The following RIMS2 variants were observed in gnomAD, a reference collection of about 807,000 sequenced individuals.
RIMS2 encodes the protein regulating synaptic membrane exocytosis protein 2.
Under a neutral mutation model 174.4 loss-of-function variants are expected in RIMS2, and 59 were observed. The observed-to-expected ratio is 0.34, with a 90% CI of 0.27 to 0.42. The LOEUF (loss-of-function observed/expected upper bound fraction) is 0.42, where lower values mean the gene tolerates loss of function less well. Ranked by LOEUF, RIMS2 falls within the 10% of genes least tolerant of loss-of-function variation. RIMS2 has a pLI of 1.00. For missense variants in RIMS2, 1,620 were observed against 1,666.3 expected (o/e 0.97, Z 0.48); for synonymous variants, 606 against 572.5 (o/e 1.06, Z -0.84).
At chr8:103,968,876 A>G (rs550884995) in intron 15 of RIMS2, among the ~76,000 whole-genome samples, 3 of 152,044 alleles carry the variant, frequency 2.0e-5, no homozygotes. Flanking sequence ...AATTACTTTA[A>G]TATTTCTTGT....
intron 3 of RIMS2, among the ~76,000 whole-genome samples, chr8:103,816,996 A>T (rs2098721924): frequency 6.6e-6 from 1 of 152,222 alleles, no homozygotes; most frequent in Admixed American, 6.5e-5. Flanking sequence ...ATAAAAATTA[A>T]ATCTATTTAA....
At chr8:103,851,458 TG>T (rs766342290) in intron 3 of RIMS2, among the ~76,000 whole-genome samples, 8 of 151,826 alleles carry the variant, frequency 5.3e-5, no homozygotes, top group Admixed American at 1.3e-4. Context: ...ATAATATAAA[TG>T]AAAAAAATTA....
intron 1 of RIMS2, among the ~76,000 whole-genome samples, chr8:103,650,311 T>C (rs2096427206): frequency 6.6e-6 from 1 of 152,152 alleles, no homozygotes; most frequent in South Asian, 2.1e-4. Context: ...AAGCTTTTTT[T>C]CAGTGGGGCA....
At position 103,671,897 on chromosome 8, in the gene RIMS2, A is replaced by G. The variant is rs1463766473; in HGVS notation, c.177-25189A>G. On this transcript the variant is annotated intron_variant, in intron 1 of 23. Transcript: ENST00000504942. ...TTGACAATGCTTCCCATATGCTTTAACATACCAAATAAGCCTGTTCATCTC... is the reference window on the plus strand; with the variant it reads ...TTGACAATGCTTCCCATATGCTTTAGCATACCAAATAAGCCTGTTCATCTC... Among the ~76,000 whole-genome samples, 68 of 152,224 alleles carry G rather than the reference A, an allele frequency of 4.5e-4. 3 individuals are homozygous for G. Among genetic ancestry groups the G allele is most frequent in the Admixed American group, 4.5e-3 (68 of 15,280 alleles).
Position 103,960,017 on chromosome 8 carries a change from A to G in RIMS2, c.2702-1048A>G, listed in dbSNP as rs565652503. On this transcript the variant is annotated intron_variant, in intron 14 of 23. Transcript: ENST00000504942. ...ATAGCTAAGATCAGAGCAGAACTGA[A>G]GGAGATAGAGACACAAAAAACCCGT... is the stretch of plus-strand genomic sequence containing the variant. Among the ~76,000 whole-genome samples, 7 of 151,412 alleles carry G rather than the reference A, an allele frequency of 4.6e-5. No individual in the cohort carries two copies. In the South Asian group the frequency reaches 1.5e-3, roughly 31 times the overall value.
chr8:104,045,427 C>T (rs2096676041), intron 19 of RIMS2, among the ~76,000 whole-genome samples: 1 of 151,778 alleles, frequency 6.6e-6, no homozygotes, highest in Admixed American at 6.6e-5. Flanking sequence ...TATGAAATTT[C>T]ATATGACAAT....
intron 1 of RIMS2, among the ~76,000 whole-genome samples, chr8:103,597,302 C>T (rs1170092552): frequency 6.6e-6 from 1 of 152,110 alleles, no homozygotes; most frequent in Non-Finnish European, 1.5e-5. Flanking sequence ...AGTTTCAGGC[C>T]TTTCTGCTCT....
At chr8:103,559,917 G>A (rs947125013) in intron 1 of RIMS2, among the ~76,000 whole-genome samples, 2 of 152,122 alleles carry the variant, frequency 1.3e-5, no homozygotes, top group Non-Finnish European at 2.9e-5. Context: ...AATAAAGAAG[G>A]CCAGATTATA....
At chr8:103,731,292 T>A (rs927484077) in intron 2 of RIMS2, among the ~76,000 whole-genome samples, 1 of 152,210 alleles carries the variant, frequency 6.6e-6, no homozygotes, top group African/African-American at 2.4e-5. Context: ...TTTCCTAGTC[T>A]ATAAGGTTTC....
At chr8:104,038,648 T>C (rs1281051258) in intron 19 of RIMS2, among the ~76,000 whole-genome samples, 2 of 151,942 alleles carry the variant, frequency 1.3e-5, no homozygotes, top group Admixed American at 6.6e-5. Context: ...TTCATTATAA[T>C]ACTATATGCA....
chr8:103,863,282 T>C (rs919770668), intron 3 of RIMS2, among the ~76,000 whole-genome samples: 1 of 152,202 alleles, frequency 6.6e-6, no homozygotes, highest in Non-Finnish European at 1.5e-5. Context: ...GAGTTGCTTA[T>C]ATTGAACCAT....
At position 103,616,482 on chromosome 8, in the gene RIMS2, C is replaced by T. The variant is rs149502641; in HGVS notation, c.177-80604C>T. ...CACAAGGCAAGAATGCCCTCTCTCA[C>T]CACTTCTATTCAACATAGTTTTGGA... On this transcript the variant is annotated intron_variant, in intron 1 of 23. Transcript: ENST00000504942. Among the ~76,000 whole-genome samples, 975 of 152,256 alleles carry T rather than the reference C, an allele frequency of 6.4e-3. 11 individuals are homozygous for T. Among genetic ancestry groups the T allele is most frequent in the African/African-American group, 0.022 (906 of 41,546 alleles).
chr8:104,036,145 A>G (rs1189921847), intron 19 of RIMS2, among the ~76,000 whole-genome samples: 1 of 150,442 alleles, frequency 6.6e-6, no homozygotes, highest in African/African-American at 2.4e-5. Flanking sequence ...TTATTTATTT[A>G]TTTATTTATT....
At chr8:103,957,786 A>G (rs1423382401) in intron 14 of RIMS2, among the ~76,000 whole-genome samples, 1 of 152,216 alleles carries the variant, frequency 6.6e-6, no homozygotes, top group Admixed American at 6.5e-5. Context: ...CATGCGGCCA[A>G]CAAGCATATA....
chr8:103,755,254 G>GC lies in RIMS2; in HGVS notation c.388-10968dup, dbSNP rs548784803. Among the ~76,000 whole-genome samples, 289 of 152,146 alleles carry GC rather than the reference G, an allele frequency of 1.9e-3. 2 individuals carry two copies. The highest frequency in any genetic ancestry group is 6.7e-3 in the African/African-American group (279 of 41,502). ...TTTTCTTTATGAATGTTGAATATTG[G>GC]CCCCCACTCCGTTTTGGCTTGTAGA... On this transcript the variant is annotated intron_variant, in intron 2 of 23. Transcript: ENST00000504942.
chr8:104,206,322 T>C (rs976935269), intron 19 of RIMS2, among the ~76,000 whole-genome samples: 1 of 152,224 alleles, frequency 6.6e-6, no homozygotes, highest in Non-Finnish European at 1.5e-5. Context: ...TATAAATTCG[T>C]ATCTCTCTGA....
chr8:103,839,932 C>T (rs1269262544), intron 3 of RIMS2, among the ~76,000 whole-genome samples: 4 of 152,126 alleles, frequency 2.6e-5, no homozygotes, highest in East Asian at 1.9e-4. Context: ...TTTTTAACAC[C>T]GGACTGTGTT....
At chr8:103,587,674 T>C (rs2094027952) in intron 1 of RIMS2, among the ~76,000 whole-genome samples, 1 of 152,030 alleles carries the variant, frequency 6.6e-6, no homozygotes, top group South Asian at 2.1e-4. Flanking sequence ...ATGATCATTT[T>C]AATTGATGCT....
At chr8:103,988,873 A>C (rs942154407) in intron 16 of RIMS2, among the ~76,000 whole-genome samples, 1 of 152,190 alleles carries the variant, frequency 6.6e-6, no homozygotes, top group African/African-American at 2.4e-5. Flanking sequence ...CTCCGAACTC[A>C]TGTCCAACCA....
Sources: allele counts gnomAD v4.1 joint callset (sites outside exome capture counted in the v4.1 genomes callset), GRCh38; gene constraint gnomAD v4.1.1; transcripts MANE v1.5; gene names NCBI Gene and HGNC (gene_info 2026-07-23, HGNC 2026-07-21).